CSNK1G1: variants seen among roughly 807,000 people sequenced by gnomAD.
CSNK1G1 encodes the protein casein kinase 1 gamma 1.
CSNK1G1 carries 22 observed loss-of-function variants against 59.6 expected under a neutral mutation model. That is an observed-to-expected ratio of 0.37 (90% CI 0.26 to 0.53). The LOEUF (loss-of-function observed/expected upper bound fraction) is 0.53. Ranked by LOEUF, CSNK1G1 falls within the 20% of genes least tolerant of loss-of-function variation. The pLI is 0.89. For synonymous variants in CSNK1G1, 179 were observed against 177.1 expected (o/e 1.01, Z -0.08); for missense variants, 384 against 519.5 (o/e 0.74, Z 2.54).
At chr15:64,229,034 AAAAAG>A (rs1264103773) in intron 4 of CSNK1G1, among the ~76,000 whole-genome samples, 3 of 151,714 alleles carry the variant, frequency 2.0e-5, no homozygotes, top group African/African-American at 7.3e-5. Context: ...AAAAAAAAAA[AAAAAG>A]AAAAAGAAAA....
At chr15:64,228,910 T>A (rs2082500188) in intron 4 of CSNK1G1, among the ~76,000 whole-genome samples, 1 of 146,396 alleles carries the variant, frequency 6.8e-6, no homozygotes. Context: ...CCCAGCTACT[T>A]GGGAGGCTGA....
chr15:64,347,568 T>C (rs1422259464), intron 1 of CSNK1G1, among the ~76,000 whole-genome samples: 3 of 95,540 alleles, frequency 3.1e-5, no homozygotes, highest in South Asian at 3.0e-4. Flanking sequence ...CTGGTCAACA[T>C]AGCAACACTC....
intron 2 of CSNK1G1, among the ~76,000 whole-genome samples, chr15:64,287,732 CTTAA>C (rs1177955925): frequency 1.3e-5 from 2 of 152,168 alleles, no homozygotes; most frequent in East Asian, 3.8e-4. Flanking sequence ...GACAAATCTA[CTTAA>C]TTATCTTTTC....
intron 4 of CSNK1G1, among the ~76,000 whole-genome samples, chr15:64,221,056 CA>C (rs1424048413): frequency 6.6e-6 from 1 of 151,992 alleles, no homozygotes; most frequent in Non-Finnish European, 1.5e-5. Context: ...TTTTTTTTAT[CA>C]AAAAGAAAAA....
At chr15:64,331,368 C>G (rs1440671350) in intron 1 of CSNK1G1, among the ~76,000 whole-genome samples, 1 of 126,144 alleles carries the variant, frequency 7.9e-6, no homozygotes, top group Admixed American at 8.5e-5. Context: ...TCAGAAATAA[C>G]GCCGCATACC....
At chr15:64,265,567 C>G (rs1356168750) in intron 2 of CSNK1G1, among the ~76,000 whole-genome samples, 2 of 152,016 alleles carry the variant, frequency 1.3e-5, no homozygotes, top group Non-Finnish European at 2.9e-5. Context: ...ATCAATTAAA[C>G]CTCTTTCCTT....
At chr15:64,270,685 A>G (rs8028351) in intron 2 of CSNK1G1, among the ~76,000 whole-genome samples, 29,474 of 151,144 alleles carry the variant, frequency 0.2, 4,006 homozygotes, top group African/African-American at 0.39. Flanking sequence ...GCGTGAACCC[A>G]GGAGGCGGAG....
Position 64,200,654 on chromosome 15 carries a change from G to A in CSNK1G1, c.1107+2428C>T, listed in dbSNP as rs1295270556. 6.6e-6 allele frequency among the ~76,000 whole-genome samples: 1 copy of A among 152,114 alleles called. No individual in the cohort carries two copies. The highest frequency in any genetic ancestry group is 1.5e-5 in the Non-Finnish European group (1 of 68,008). Reference sequence around the variant, plus strand: ...AGCCACTGCGCCTGGCCGCATTATAGAGTAATAAAACTTCATTTAAAATAT... The same window carrying A: ...AGCCACTGCGCCTGGCCGCATTATAAAGTAATAAAACTTCATTTAAAATAT... On this transcript the variant is annotated intron_variant, in intron 10 of 11. Coordinates refer to ENST00000303052, the MANE Select transcript of CSNK1G1 (RefSeq NM_022048.5). The surrounding 1 kb of genome is among the most constrained non-coding windows in gnomAD (Gnocchi z 4.3).
At chr15:64,333,988 T>C (rs549517753) in intron 1 of CSNK1G1, among the ~76,000 whole-genome samples, 2 of 152,258 alleles carry the variant, frequency 1.3e-5, no homozygotes, top group African/African-American at 2.4e-5. Context: ...CCTAGATAGA[T>C]AGATCTTCGA....
In CSNK1G1 at chr15:64,259,223, T is replaced by C. The variant is rs1341995555; in HGVS notation, c.200A>G (p.Asn67Ser). ...CACCAGTTTGATTGCTACATATTCA[T>C]TGGTGTAGAGATTTTTACCTAAGAG... is the stretch of plus-strand genomic sequence containing the variant. The part of the protein sequence containing the change: ...ELRLGKNLYT[N>S]EYVAIKLEPI... The change falls in exon 3 of 12, where the codon AAT (asparagine) becomes AGT (serine). Residue 67 changes from asparagine to serine, a missense_variant. By Grantham distance (46) the Asn-to-Ser change is conservative. This residue lies in a region of CSNK1G1 where 325 missense variants were observed against 440.9 expected (regional missense o/e 0.74). Transcript: ENST00000303052. 1.1e-5 allele frequency: 17 copies of C among 1,597,956 alleles called. No homozygotes were observed. The highest frequency in any genetic ancestry group is 1.3e-5 in the African/African-American group (1 of 74,456).
intron 4 of CSNK1G1, among the ~76,000 whole-genome samples, chr15:64,229,740 CT>C (rs1249273013): frequency 7.9e-5 from 12 of 151,878 alleles, no homozygotes; most frequent in Non-Finnish European, 5.9e-5. Context: ...AGTGAGAATG[CT>C]TTTGACTTCT....
At chr15:64,230,883 A>G (rs1410429565) in intron 4 of CSNK1G1, among the ~76,000 whole-genome samples, 6 of 152,172 alleles carry the variant, frequency 3.9e-5, no homozygotes, top group African/African-American at 1.2e-4. Flanking sequence ...CTGAGGCAGG[A>G]GAATGGCATG....
At chr15:64,250,111 G>A (rs1466250907) in intron 4 of CSNK1G1, among the ~76,000 whole-genome samples, 2 of 152,194 alleles carry the variant, frequency 1.3e-5, no homozygotes, top group African/African-American at 4.8e-5. Context: ...AACCAGGAAT[G>A]TAAGAGGAAC....
intron 1 of CSNK1G1, chr15:64,342,503 T>C (rs1466168359): frequency 1.3e-5 from 2 of 152,254 alleles, no homozygotes; most frequent in Non-Finnish European, 1.5e-5. Context: ...TCATATCTTT[T>C]AGTAATCCAA....
At chr15:64,181,378 G>A in intron 10 of CSNK1G1, 3 of 1,535,818 alleles carry the variant, frequency 2.0e-6, no homozygotes, top group Middle Eastern at 1.7e-4. Flanking sequence ...GCTGGGAAGT[G>A]GGAAAAGGGG....
At chr15:64,278,408 GTGTGTGTGTGTATATA>G (rs1264728611) in intron 2 of CSNK1G1, among the ~76,000 whole-genome samples, 75 of 131,910 alleles carry the variant, frequency 5.7e-4, no homozygotes, top group Middle Eastern at 3.7e-3. Context: ...GTGTGTGTGT[GTGTGTGTGTGTATATA>G]TATATATATT....
At chr15:64,315,849 AT>A (rs1334157053) in intron 1 of CSNK1G1, 5 of 152,124 alleles carry the variant, frequency 3.3e-5, no homozygotes, top group Admixed American at 6.6e-5. Flanking sequence ...GAGACTTAAA[AT>A]TTCTTCTAAC....
chr15:64,237,950 G>A (rs2082637647), intron 4 of CSNK1G1, among the ~76,000 whole-genome samples: 1 of 152,172 alleles, frequency 6.6e-6, no homozygotes, highest in Non-Finnish European at 1.5e-5. Flanking sequence ...GAATACAGGA[G>A]CACTAAGCTT....
chr15:64,338,324 T>G (rs1051304412), intron 1 of CSNK1G1, among the ~76,000 whole-genome samples: 4 of 152,158 alleles, frequency 2.6e-5, no homozygotes, highest in African/African-American at 9.7e-5. Flanking sequence ...TTTAGTATGA[T>G]AGCAAGATTA....
Sources: allele counts gnomAD v4.1 joint callset (sites outside exome capture counted in the v4.1 genomes callset), GRCh38; gene constraint gnomAD v4.1.1; regional missense constraint gnomAD v4.1.1; non-coding constraint Gnocchi (gnomAD v3.1); transcripts MANE v1.5; gene names NCBI Gene and HGNC (gene_info 2026-07-23, HGNC 2026-07-21).